Variants in CASD1 observed in about 807,000 individuals in gnomAD.
The protein encoded by CASD1 is CAS1 domain sialic acid O acetyltransferase 1.
CASD1 carries 41 observed loss-of-function variants against 100.0 expected under a neutral mutation model. The ratio of observed to expected loss-of-function variants is 0.41; its 90% CI spans 0.32 to 0.53. CASD1 has a LOEUF of 0.53. Among genes scored for constraint, CASD1 ranks in the 20% least tolerant of loss-of-function variants. The pLI, the probability that CASD1 is intolerant of heterozygous loss-of-function variation, is 0.25. For synonymous variants in CASD1, 321 were observed against 315.6 expected, an observed-to-expected ratio of 1.02 and a Z score of -0.18; for missense variants, 774 against 948.7, an observed-to-expected ratio of 0.82 and a Z score of 2.42.
chr7:94,587,629 CT>C, the CASD1 span: 62 of 1,428,992 alleles, frequency 4.3e-5, 1 homozygote, highest in Non-Finnish European at 5.5e-5. Context: ...CTCCTGAATG[CT>C]TACAAAGTAG....
chr7:94,613,860 C>T, the CASD1 span, among the ~76,000 whole-genome samples: 1 of 152,204 alleles, frequency 6.6e-6, no homozygotes, highest in East Asian at 1.9e-4. Flanking sequence ...CAGCACAAAA[C>T]TTCCTGCCTT....
chr7:94,590,927 T>C, the CASD1 span: 1 of 152,200 alleles, frequency 6.6e-6, no homozygotes, highest in Admixed American at 6.6e-5. Flanking sequence ...TCTTAATCTA[T>C]AGGTAACACC....
chr7:94,533,360 C>A, intron 6 of CASD1, 111 bp downstream of exon 6: 1 of 783,856 alleles, frequency 1.3e-6, no homozygotes, highest in Non-Finnish European at 2.0e-6. Context: ...ATTTTTAATT[C>A]CTACTTCTAT....
At position 94,556,065 on chromosome 7, in the gene CASD1, G is replaced by C. The variant is rs983171809; in HGVS notation, c.*307G>C. 3 of 210,086 alleles carry C rather than the reference G, an allele frequency of 1.4e-5. No homozygotes were observed. Among genetic ancestry groups the C allele is most frequent in the Admixed American group, 5.5e-5 (1 of 18,266 alleles). 13.0% of individuals were successfully genotyped at this position (210,086 alleles called of 1,614,324 possible). A position where few individuals can be genotyped will look rare whatever the true frequency, so the allele number is the denominator to read the frequency against. ...GATTTTAAGTTAACATATGAAGGCAGGGAAATGATTACCTTTCCAGTAAAA... is the reference window on the plus strand; with the variant it reads ...GATTTTAAGTTAACATATGAAGGCACGGAAATGATTACCTTTCCAGTAAAA... On this transcript the variant is annotated 3_prime_UTR_variant, in exon 18 of 18. Coordinates refer to ENST00000297273, the MANE Select transcript of CASD1 (RefSeq NM_022900.5).
chr7:94,552,182 ACCAAAACAGGTGATGAG>A, intron 15 of CASD1, 151 bp from the exon 16 acceptor site: 1 of 586,774 alleles, frequency 1.7e-6, no homozygotes, highest in Non-Finnish European at 2.9e-6. Context: ...AGTTGAACAT[ACCAAAACAGGTGATGAG>A]CAAACTTGCA....
At chr7:94,573,344 C>G in the CASD1 span, among the ~76,000 whole-genome samples, 1 of 152,168 alleles carries the variant, frequency 6.6e-6, no homozygotes, top group Non-Finnish European at 1.5e-5. Context: ...TAATATCGGT[C>G]CTTCCCGTCC....
At chr7:94,567,165 T>A in the CASD1 span, among the ~76,000 whole-genome samples, 1 of 152,160 alleles carries the variant, frequency 6.6e-6, no homozygotes, top group Non-Finnish European at 1.5e-5. Context: ...GAACCAAGTC[T>A]GTGAGTTCAC....
chr7:94,539,300 C>CT (rs1795268882), intron 10 of CASD1, among the ~76,000 whole-genome samples: 1 of 152,028 alleles, frequency 6.6e-6, no homozygotes, highest in Admixed American at 6.5e-5. Flanking sequence ...TAATTTTTAA[C>CT]ATAATAGAAA....
chr7:94,587,235 G>T, the CASD1 span: 1 of 985,038 alleles, frequency 1.0e-6, no homozygotes, highest in Non-Finnish European at 1.2e-6. Flanking sequence ...GTTAACAAGA[G>T]TACTTGCTAA....
At chr7:94,551,540 A>G in intron 15 of CASD1, 62 bp downstream of exon 15, 1 of 660,494 alleles carries the variant, frequency 1.5e-6, no homozygotes, top group Non-Finnish European at 2.2e-6. Flanking sequence ...AAGATATGGA[A>G]ATATAATCAA....
At chr7:94,523,525 G>T (rs1402418694) in intron 3 of CASD1, among the ~76,000 whole-genome samples, 1 of 152,160 alleles carries the variant, frequency 6.6e-6, no homozygotes, top group Non-Finnish European at 1.5e-5. Context: ...ATGCAGAAAA[G>T]CCATAAAAAT....
Position 94,533,801 on chromosome 7 carries a change from A to G in CASD1, c.627A>G (p.Gln209=). 6.4e-7 allele frequency: 1 copy of G among 1,564,296 alleles called. No individual in the cohort carries two copies. Among genetic ancestry groups the G allele is most frequent in the South Asian group, 1.2e-5 (1 of 82,180 alleles). ...CTAGTGATGTTTATTGGGTCTTACA[A>G]GGTAAGGAATGAGTAATGAAAAAAT... ...AKTSDVYWVL[Q]DPVYEDLLSE... The change falls in exon 7 of 18, where the codon CAA becomes CAG. Residue 209 remains glutamine, a splice_region_variant and synonymous_variant. Transcript: ENST00000297273.
At chr7:94,516,709 A>G (rs1337432876) in intron 1 of CASD1, among the ~76,000 whole-genome samples, 2 of 150,176 alleles carry the variant, frequency 1.3e-5, no homozygotes, top group African/African-American at 4.9e-5. Context: ...TTGGTCATGT[A>G]TATTTAGCTA....
Position 94,510,008 on chromosome 7 carries a change from G to C in CASD1, c.-77G>C, listed in dbSNP as rs1793606101. 4.6e-6 allele frequency: 6 copies of C among 1,304,146 alleles called. No individual in the cohort carries two copies. Among genetic ancestry groups the C allele is most frequent in the Non-Finnish European group, 4.9e-6 (5 of 1,012,880 alleles). The allele number at this position is 1,304,146 out of a possible 1,614,324, so 80.8% of individuals were successfully genotyped here. On this transcript the variant is annotated 5_prime_UTR_variant, in exon 1 of 18. Coordinates refer to ENST00000297273, the MANE Select transcript of CASD1 (RefSeq NM_022900.5). ...CGGCCGCTCCTCGCCTGGCTGCAGC[G>C]GCGGCAGCCCCAGTGCTGCCCCTGT...
At chr7:94,614,106 T>TAAAAAAAAAAAAAAAAAAAAAA in the CASD1 span, among the ~76,000 whole-genome samples, 1 of 55,170 alleles carries the variant, frequency 1.8e-5, no homozygotes. Flanking sequence ...CAAATTGAAA[T>TAAAAAAAAAAAAAAAAAAAAAA]CAAAAAAAAA....
At chr7:94,623,877 A>G in the CASD1 span, 1 of 357,008 alleles carries the variant, frequency 2.8e-6, no homozygotes. Flanking sequence ...AATGTCATAA[A>G]TAACCCTTTG....
the CASD1 span, among the ~76,000 whole-genome samples, chr7:94,567,424 G>T: frequency 6.6e-6 from 1 of 152,042 alleles, no homozygotes; most frequent in Admixed American, 6.6e-5. Flanking sequence ...GTAAAAGAAA[G>T]ACATATTATT....
At chr7:94,588,556 C>G in the CASD1 span, 1 of 1,511,866 alleles carries the variant, frequency 6.6e-7, no homozygotes. Context: ...GGTTTTAAGT[C>G]TGATTAAGGA....
the CASD1 span, among the ~76,000 whole-genome samples, chr7:94,601,465 A>AAAAAAAAAAAAAAAAAAAAAC: frequency 6.7e-6 from 1 of 148,312 alleles, no homozygotes; most frequent in African/African-American, 2.5e-5. Flanking sequence ...AAAAAAAAAA[A>AAAAAAAAAAAAAAAAAAAAAC]AAAAAAAAAA....
Sources: allele counts gnomAD v4.1 joint callset (sites outside exome capture counted in the v4.1 genomes callset), GRCh38; gene constraint gnomAD v4.1.1; transcripts MANE v1.5; gene names NCBI Gene and HGNC (gene_info 2026-07-23, HGNC 2026-07-21).